The following HECTD4 variants were observed in gnomAD, a reference collection of about 807,000 sequenced individuals.
HECTD4 encodes the protein probable E3 ubiquitin-protein ligase HECTD4.
Under a neutral mutation model 471.5 loss-of-function variants are expected in HECTD4, and 114 were observed. The observed-to-expected ratio is 0.24, with a 90% CI of 0.21 to 0.28. The LOEUF (loss-of-function observed/expected upper bound fraction) is 0.28. Ranked by LOEUF, HECTD4 falls within the 10% of genes least tolerant of loss-of-function variation. The pLI is 1.00. For synonymous variants in HECTD4, 2,012 were observed against 2,256.0 expected, an observed-to-expected ratio of 0.89 and a Z score of 3.07; for missense variants, 3,866 against 5,651.5, an observed-to-expected ratio of 0.68 and a Z score of 10.13.
chr12:112,313,556 C>T (rs1034406347), intron 3 of HECTD4, among the ~76,000 whole-genome samples: 7 of 143,870 alleles, frequency 4.9e-5, no homozygotes, highest in East Asian at 2.2e-4. Flanking sequence ...GGCGTGATCT[C>T]GGTTCACTGC....
intron 7 of HECTD4, among the ~76,000 whole-genome samples, chr12:112,288,062 C>G (rs1419781822): frequency 1.3e-5 from 2 of 151,670 alleles, no homozygotes; most frequent in Non-Finnish European, 2.9e-5. Context: ...GGCACGGTGG[C>G]TCATGCCTGT....
intron 54 of HECTD4, among the ~76,000 whole-genome samples, chr12:112,201,765 C>T (rs2032437700): frequency 6.6e-6 from 1 of 152,056 alleles, no homozygotes; most frequent in Non-Finnish European, 1.5e-5. Flanking sequence ...CAAACTGTTG[C>T]TAGGTAAAAT....
At chr12:112,170,759 G>C (rs1021560087) in intron 68 of HECTD4, 5 of 459,760 alleles carry the variant, frequency 1.1e-5, no homozygotes, top group Non-Finnish European at 1.9e-5. Flanking sequence ...ACATGTGTCT[G>C]TTTATATGTC....
chr12:112,255,333 A>T (rs1241108054), intron 21 of HECTD4, among the ~76,000 whole-genome samples: 3 of 152,168 alleles, frequency 2.0e-5, no homozygotes, highest in Non-Finnish European at 4.4e-5. Context: ...CCTACTAAAG[A>T]TCATCTCATA....
chr12:112,301,189 CT>C (rs879714994), intron 7 of HECTD4, among the ~76,000 whole-genome samples: 86 of 142,966 alleles, frequency 6.0e-4, no homozygotes, highest in Middle Eastern at 3.8e-3. Flanking sequence ...CCCGGTCGTA[CT>C]TTTTTTTTTT....
At chr12:112,269,081 G>A (rs2034356494) in intron 13 of HECTD4, among the ~76,000 whole-genome samples, 1 of 151,600 alleles carries the variant, frequency 6.6e-6, no homozygotes, top group Admixed American at 6.6e-5. Flanking sequence ...CACCGTGTTA[G>A]CCAGGATGGT....
chr12:112,211,072 C>T (rs1449647522), intron 49 of HECTD4, among the ~76,000 whole-genome samples: 1 of 152,130 alleles, frequency 6.6e-6, no homozygotes, highest in Non-Finnish European at 1.5e-5. Flanking sequence ...GGAGTCTTGG[C>T]CGGATGCAGT....
rs41425848 is a variant in HECTD4, at chr12:112,343,230, G to T, written c.178-23488C>A. On this transcript the variant is annotated intron_variant, in intron 1 of 75. Transcript: ENST00000682272. ...TTGTTACATAAATATGTTGTAAAAG[G>T]TTTAACCTGCATCCTTGATGTCCCA... 1.1e-3 allele frequency among the ~76,000 whole-genome samples: 164 copies of T among 152,220 alleles called. 3 individuals carry two copies. In the East Asian group the frequency reaches 0.029, roughly 27 times the overall value.
intron 48 of HECTD4, among the ~76,000 whole-genome samples, chr12:112,214,971 T>C (rs1378523487): frequency 6.6e-6 from 1 of 152,114 alleles, no homozygotes; most frequent in South Asian, 2.1e-4. Context: ...CTGGCCAGCA[T>C]GGTGAAACCC....
intron 1 of HECTD4, among the ~76,000 whole-genome samples, chr12:112,346,524 A>G (rs564043017): frequency 5.1e-4 from 78 of 152,338 alleles, no homozygotes; most frequent in African/African-American, 1.9e-3. Flanking sequence ...ACTGGCTCTC[A>G]TTGCAAGATG....
intron 49 of HECTD4, among the ~76,000 whole-genome samples, chr12:112,210,889 G>T (rs2032743037): frequency 6.6e-6 from 1 of 152,220 alleles, no homozygotes; most frequent in African/African-American, 2.4e-5. Flanking sequence ...TTGACATAGA[G>T]TAAGTATTCA....
At position 112,270,217 on chromosome 12, in the gene HECTD4, G is replaced by T. The variant is rs891651775; in HGVS notation, c.2175+10C>A. On this transcript the variant is annotated intron_variant, in intron 12 of 75. Transcript: ENST00000682272. ...CTATCATCTTATTTATTTCAAAACA[G>T]TGTATTTACCTGAAAGACAACGAGA... 1.3e-6 allele frequency: 2 copies of T among 1,598,430 alleles called. No individual in the cohort carries two copies. The highest frequency in any genetic ancestry group is 1.7e-5 in the Admixed American group (1 of 59,976).
intron 44 of HECTD4, among the ~76,000 whole-genome samples, chr12:112,224,342 T>C (rs974735161): frequency 5.3e-5 from 8 of 151,762 alleles, no homozygotes; most frequent in Admixed American, 2.6e-4. Context: ...CTCGGCTCAC[T>C]GCAAGCTCCA....
intron 1 of HECTD4, among the ~76,000 whole-genome samples, chr12:112,369,248 G>A (rs572138631): frequency 6.6e-6 from 1 of 152,082 alleles, no homozygotes; most frequent in Non-Finnish European, 1.5e-5. Context: ...GGCTGACCAG[G>A]GTTCAGCGTG....
intron 1 of HECTD4, among the ~76,000 whole-genome samples, chr12:112,379,686 C>T (rs1008454399): frequency 5.3e-5 from 8 of 150,366 alleles, no homozygotes; most frequent in African/African-American, 1.5e-4. Context: ...AGAGAGAGAC[C>T]CTGTCTCAAA....
At chr12:112,269,895 G>C in intron 12 of HECTD4, 46 bp from the exon 13 acceptor site, 1 of 1,529,968 alleles carries the variant, frequency 6.5e-7, no homozygotes, top group Non-Finnish European at 9.0e-7. Flanking sequence ...ATTCTACTGG[G>C]GATAAAATTA....
At chr12:112,182,238 G>A (rs2031701561) in intron 62 of HECTD4, among the ~76,000 whole-genome samples, 2 of 152,022 alleles carry the variant, frequency 1.3e-5, no homozygotes, top group Non-Finnish European at 2.9e-5. Context: ...GGCCGAGGCT[G>A]GAGGACTGCT....
chr12:112,322,616 G>T (rs1054541358), intron 1 of HECTD4: 3 of 152,448 alleles, frequency 2.0e-5, no homozygotes, highest in Non-Finnish European at 4.4e-5. Flanking sequence ...GCAACAACTG[G>T]TAAGAAGATG....
intron 5 of HECTD4, among the ~76,000 whole-genome samples, chr12:112,309,238 G>A (rs1383668972): frequency 6.6e-6 from 1 of 151,972 alleles, no homozygotes; most frequent in Admixed American, 6.6e-5. Context: ...AGAGACTTAA[G>A]TAGAAAAATG....
Sources: gnomAD v4.1 joint callset for allele counts (sites outside exome capture counted in the v4.1 genomes callset) on GRCh38, gnomAD v4.1.1 for gene constraint, MANE v1.5 for transcripts, NCBI Gene and HGNC (gene_info 2026-07-23, HGNC 2026-07-21) for gene names.